APBB1IP: variants seen among roughly 807,000 people sequenced by gnomAD.
APBB1IP encodes amyloid beta precursor protein binding family B member 1 interacting protein.
In APBB1IP, 27 loss-of-function variants were observed where a neutral mutation model predicts 64.9. The observed-to-expected ratio is 0.42, with a 90% CI of 0.31 to 0.57. The LOEUF (loss-of-function observed/expected upper bound fraction) is 0.57, where lower values mean the gene tolerates loss of function less well. Among genes scored for constraint, APBB1IP ranks in the 20% least tolerant of loss-of-function variants. The pLI, the probability that APBB1IP is intolerant of heterozygous loss-of-function variation, is 0.20. For synonymous variants in APBB1IP, 392 were observed against 331.0 expected (o/e 1.18, Z -2.00); for missense variants, 812 against 845.5 (o/e 0.96, Z 0.49).
chr10:26,481,874 C>T (rs1376147326), intron 2 of APBB1IP, among the ~76,000 whole-genome samples: 1 of 147,322 alleles, frequency 6.8e-6, no homozygotes, highest in Admixed American at 6.8e-5. Flanking sequence ...TGTGTCTTTA[C>T]TGCAAAATTC....
intron 2 of APBB1IP, among the ~76,000 whole-genome samples, chr10:26,485,756 T>G (rs1405735012): frequency 6.6e-6 from 1 of 152,226 alleles, no homozygotes; most frequent in Non-Finnish European, 1.5e-5. Context: ...GTTTACCAAG[T>G]GCAGTAGATA....
In APBB1IP at chr10:26,536,230, A is replaced by T; in HGVS notation, c.1044+13A>T. 6.4e-7 allele frequency: 1 copy of T among 1,566,062 alleles called. No individual in the cohort carries two copies. Among genetic ancestry groups the T allele is most frequent in the Non-Finnish European group, 8.6e-7 (1 of 1,167,480 alleles). ...AGGAAAGACTAAGGTCAGAAAAAAA[A>T]AAAAAAAAGCACTTAGCAATAAAGC... On this transcript the variant is annotated intron_variant, in intron 10 of 14. Coordinates refer to ENST00000376236, the MANE Select transcript of APBB1IP (RefSeq NM_019043.4).
At chr10:26,517,201 T>C (rs888967724) in intron 8 of APBB1IP, among the ~76,000 whole-genome samples, 1 of 152,214 alleles carries the variant, frequency 6.6e-6, no homozygotes, top group Admixed American at 6.5e-5. Flanking sequence ...CAGTTTGCCA[T>C]GGTAACTAAT....
chr10:26,462,920 T>G (rs1221235067), intron 2 of APBB1IP, among the ~76,000 whole-genome samples: 1 of 152,194 alleles, frequency 6.6e-6, no homozygotes, highest in Non-Finnish European at 1.5e-5. Flanking sequence ...AGGGTTAGAA[T>G]GACATAGAAG....
intron 14 of APBB1IP, among the ~76,000 whole-genome samples, chr10:26,566,686 G>T (rs1837048573): frequency 6.6e-6 from 1 of 152,146 alleles, no homozygotes. Flanking sequence ...AGGCTCCCCA[G>T]GGGGCGGACA....
intron 10 of APBB1IP, among the ~76,000 whole-genome samples, chr10:26,538,904 C>T (rs1002799266): frequency 6.6e-6 from 1 of 152,082 alleles, no homozygotes; most frequent in Non-Finnish European, 1.5e-5. Context: ...CAGCTAGAGA[C>T]AAACAGGTCG....
At chr10:26,497,829 C>T (rs1836046618) in intron 4 of APBB1IP, among the ~76,000 whole-genome samples, 1 of 148,232 alleles carries the variant, frequency 6.7e-6, no homozygotes, top group Non-Finnish European at 1.5e-5. Context: ...TGGGTTCAAG[C>T]GATTCTCCTG....
At chr10:26,453,924 T>G (rs7358210) in intron 2 of APBB1IP, among the ~76,000 whole-genome samples, 3 of 152,298 alleles carry the variant, frequency 2.0e-5, no homozygotes, top group African/African-American at 7.2e-5. Flanking sequence ...CTTCTGTGTT[T>G]GTTGCAGCAC....
At chr10:26,537,042 G>A (rs1232293418) in intron 10 of APBB1IP, among the ~76,000 whole-genome samples, 1 of 152,020 alleles carries the variant, frequency 6.6e-6, no homozygotes, top group Non-Finnish European at 1.5e-5. Context: ...TTTACTTGGT[G>A]ATTCAGGATT....
chr10:26,540,840 G>A (rs1255078389), intron 10 of APBB1IP, among the ~76,000 whole-genome samples: 3 of 152,124 alleles, frequency 2.0e-5, no homozygotes, highest in Non-Finnish European at 4.4e-5. Flanking sequence ...AAGAGAACTT[G>A]TGAAAGAAAT....
chr10:26,497,337 G>C (rs1015111070), intron 4 of APBB1IP, among the ~76,000 whole-genome samples: 1 of 151,946 alleles, frequency 6.6e-6, no homozygotes. Flanking sequence ...AGATCACAAG[G>C]TCAGGAGATC....
chr10:26,502,485 C>CA (rs1418273457), intron 5 of APBB1IP, among the ~76,000 whole-genome samples: 2 of 151,844 alleles, frequency 1.3e-5, no homozygotes, highest in East Asian at 1.9e-4. Context: ...ACTACAAATA[C>CA]AAAAAAATTA....
intron 8 of APBB1IP, 60 bp from the exon 9 acceptor site, chr10:26,533,378 CT>C: frequency 1.0e-6 from 1 of 982,738 alleles, no homozygotes; most frequent in South Asian, 1.9e-5. Flanking sequence ...CTGTGAGTTC[CT>C]TGCAGAGTCT....
chr10:26,443,143 C>T (rs990270598), intron 2 of APBB1IP, among the ~76,000 whole-genome samples: 5 of 152,032 alleles, frequency 3.3e-5, no homozygotes, highest in African/African-American at 4.8e-5. Flanking sequence ...AATATGTGGC[C>T]GGGCGTGGTG....
In APBB1IP at chr10:26,503,197, G is replaced by C. The variant is rs1477586993; in HGVS notation, c.454G>C (p.Glu152Gln). Residue 152 changes from glutamate to glutamine, a missense_variant and splice_region_variant, in exon 6 of 15, where the codon GAA (glutamate) becomes CAA (glutamine). Physicochemically the swap from Glu to Gln is conservative, Grantham distance 29. This residue lies in a region of APBB1IP where 394 missense variants were observed against 413.1 expected (regional missense o/e 0.95). Transcript: ENST00000376236. The part of the protein sequence containing the change: ...PPPPPEPLSQ[E>Q]EEEAQAKADK... ...TGAAGAATATCTTGCCCTTTTCCAGGAAGAGGAAGAAGCCCAAGCCAAGGC... is the reference window on the plus strand; with the variant it reads ...TGAAGAATATCTTGCCCTTTTCCAGCAAGAGGAAGAAGCCCAAGCCAAGGC... The C allele has an allele frequency of 6.2e-7, 1 of 1,614,000 alleles. No homozygotes were observed. The highest frequency in any genetic ancestry group is 2.2e-5 in the East Asian group (1 of 44,872).
chr10:26,478,979 C>A (rs1835806852), intron 2 of APBB1IP, among the ~76,000 whole-genome samples: 1 of 151,488 alleles, frequency 6.6e-6, no homozygotes, highest in African/African-American at 2.4e-5. Context: ...TTATTTAGAG[C>A]CAAAAAGGAA....
chr10:26,548,883 A>G (rs533915682), intron 11 of APBB1IP, among the ~76,000 whole-genome samples: 2 of 152,296 alleles, frequency 1.3e-5, no homozygotes, highest in South Asian at 2.1e-4. Context: ...ACTATGCAGA[A>G]TAGTAGCAGT....
chr10:26,441,967 G>T (rs1835342586), intron 2 of APBB1IP, among the ~76,000 whole-genome samples: 2 of 152,144 alleles, frequency 1.3e-5, no homozygotes, highest in Non-Finnish European at 2.9e-5. Flanking sequence ...GCACAGAGAG[G>T]GTAAGAAACT....
intron 8 of APBB1IP, among the ~76,000 whole-genome samples, chr10:26,528,842 TG>T (rs1836512652): frequency 6.6e-6 from 1 of 152,022 alleles, no homozygotes; most frequent in African/African-American, 2.4e-5. Flanking sequence ...AAGGCTGAGG[TG>T]GGAGAATTGC....
Sources: allele counts gnomAD v4.1 joint callset (sites outside exome capture counted in the v4.1 genomes callset), GRCh38; gene constraint gnomAD v4.1.1; regional missense constraint gnomAD v4.1.1; transcripts MANE v1.5; gene names NCBI Gene and HGNC (gene_info 2026-07-23, HGNC 2026-07-21).